The following ADAMTS7 variants were observed in gnomAD, a reference collection of about 807,000 sequenced individuals.
ADAMTS7 encodes the protein A disintegrin and metalloproteinase with thrombospondin motifs 7.
A neutral mutation model predicts 172.6 loss-of-function variants in ADAMTS7; 89 were observed. That is an observed-to-expected ratio of 0.52 (90% confidence interval 0.43 to 0.61). The LOEUF is 0.61. Among genes scored for constraint, ADAMTS7 ranks in the 20% least tolerant of loss-of-function variants. ADAMTS7 has a pLI of 0.00. For synonymous variants in ADAMTS7, 885 were observed against 978.4 expected (o/e 0.90, Z 1.78); for missense variants, 1,973 against 2,355.6 (o/e 0.84, Z 3.36).
rs1277567798 is a variant in ADAMTS7 at position 78,771,300 on chromosome 15, G to A, written c.2380C>T (p.Leu794=). 6.2e-7 allele frequency: 1 copy of A among 1,612,404 alleles called. No individual in the cohort carries two copies. Among genetic ancestry groups the A allele is most frequent in the Non-Finnish European group, 8.5e-7 (1 of 1,179,090 alleles). The stretch of plus-strand genomic sequence containing the variant: ...ACCCCAGGGTTGCTCTCCTGGAACA[G>A]CAGCTGGGTGGGCAGGCGGGGGCCC... The part of the protein sequence containing the change: ...PTKEPVWIQL[L]FQESNPGVHY... Residue 794 remains leucine (L), a synonymous_variant, in exon 16 of 24, where the codon CTG becomes TTG. Coordinates refer to ENST00000388820, the MANE Select transcript of ADAMTS7 (RefSeq NM_014272.5). The surrounding 1 kb of genome is among the most constrained non-coding windows in gnomAD (Gnocchi z 4.9).
chr15:78,779,111 C>T (rs2055394542), intron 8 of ADAMTS7, among the ~76,000 whole-genome samples: 1 of 152,140 alleles, frequency 6.6e-6, no homozygotes, highest in South Asian at 2.1e-4. Flanking sequence ...GAGAAGAAAG[C>T]CAAGGTGACC....
intron 1 of ADAMTS7, among the ~76,000 whole-genome samples, chr15:78,809,176 A>C (rs1251565928): frequency 6.6e-6 from 1 of 152,198 alleles, no homozygotes; most frequent in South Asian, 2.1e-4. Context: ...CAGCCTCAGA[A>C]ACCCTAGCAG....
At position 78,796,777 on chromosome 15, in the gene ADAMTS7, T is replaced by A. The variant is rs150389841; in HGVS notation, c.632A>T (p.Glu211Val). The A allele has an allele frequency of 1.4e-5, 22 of 1,609,224 alleles. No homozygotes were observed. The highest frequency in any genetic ancestry group is 1.8e-5 in the Non-Finnish European group (21 of 1,179,398). The change falls in exon 4 of 24, where the codon GAG becomes GTG. Residue 211 changes from glutamate (E) to valine (V), a missense_variant. Physicochemically the swap from Glu to Val is moderately radical, Grantham distance 121 (BLOSUM62 -2). Around this residue, in one of 8 missense-constraint regions of ADAMTS7, gnomAD observed 526 missense variants for 662.9 expected, o/e 0.79. Transcript: ENST00000388820. ...CCAACGCTCCCGTCGAGACTCCAGCTCTGGGTACACTGGAGGCCCAGATGG... is the reference window on the plus strand; with the variant it reads ...CCAACGCTCCCGTCGAGACTCCAGCACTGGGTACACTGGAGGCCCAGATGG... ...PSTCGVQVYPELESRRERWEQ... is the reference protein window; with the variant it reads ...PSTCGVQVYPVLESRRERWEQ...
Position 78,788,272 on chromosome 15 carries a change from G to C in ADAMTS7, c.1281C>G (p.Thr427=). The C allele has an allele frequency of 6.2e-7, 1 of 1,613,838 alleles. No homozygotes were observed. The highest frequency in any genetic ancestry group is 1.7e-4 in the Middle Eastern group (1 of 5,780). Residue 427 remains threonine, a synonymous_variant, in exon 8 of 24, where the codon ACC becomes ACG. Coordinates refer to ENST00000388820, the MANE Select transcript of ADAMTS7 (RefSeq NM_014272.5). ...PQLLYDAAPL[T]WSRCSRQYIT... ...TATACTGGCGGCTGCAGCGGGACCA[G>C]GTGAGGGGAGCGGCGTCGTACAGGA...
chr15:78,797,162 G>A (rs553675006), intron 3 of ADAMTS7, among the ~76,000 whole-genome samples: 1 of 152,300 alleles, frequency 6.6e-6, no homozygotes, highest in East Asian at 1.9e-4. Context: ...CCACCCTGGG[G>A]GCTTAGTGCA....
At chr15:78,810,489 C>G (rs2055850613) in intron 1 of ADAMTS7, 1 of 152,370 alleles carries the variant, frequency 6.6e-6, no homozygotes, top group Non-Finnish European at 1.5e-5. Context: ...GGAGAGTTAA[C>G]CCATGGCCGG....
At chr15:78,762,193 G>A (rs1297370746) in intron 23 of ADAMTS7, 23 of 771,338 alleles carry the variant, frequency 3.0e-5, no homozygotes, top group Non-Finnish European at 3.6e-5. Context: ...TTGTGTGGCC[G>A]GGACTCCCCT....
intron 8 of ADAMTS7, among the ~76,000 whole-genome samples, chr15:78,780,446 G>A (rs1365372060): frequency 6.6e-6 from 1 of 152,160 alleles, no homozygotes; most frequent in South Asian, 2.1e-4. Flanking sequence ...TCCACGGGGT[G>A]AAGTGAAGGA....
intron 8 of ADAMTS7, among the ~76,000 whole-genome samples, chr15:78,781,468 C>A (rs1218042159): frequency 6.6e-6 from 1 of 152,166 alleles, no homozygotes; most frequent in Admixed American, 6.5e-5. Context: ...TGGGGAGGCA[C>A]GTATTGCTCT....
At chr15:78,768,059 G>A in intron 17 of ADAMTS7, 74 bp downstream of exon 17, 1 of 1,172,992 alleles carries the variant, frequency 8.5e-7, no homozygotes, top group Non-Finnish European at 1.2e-6. Flanking sequence ...GGGGTGGGGA[G>A]TTGGCGGGGG....
At chr15:78,790,647 C>T (rs773028757) in intron 6 of ADAMTS7, 23 bp downstream of exon 6, 9 of 1,612,194 alleles carry the variant, frequency 5.6e-6, no homozygotes, top group Non-Finnish European at 7.6e-6. Flanking sequence ...ATGCAGGCTC[C>T]CACCCTCCTG....
In ADAMTS7 at chr15:78,766,792, G is replaced by A. The variant is rs761221094; in HGVS notation, c.3119C>T (p.Thr1040Ile). 1 of 1,610,646 alleles carries A rather than the reference G, an allele frequency of 6.2e-7. No homozygotes were observed. The highest frequency in any genetic ancestry group is 1.7e-5 in the Admixed American group (1 of 60,016). ...CTCCTCCTCAATGGCGTTGCCCATG[G>A]TGCCTGGCTTGGGTGATGAGGCGGG... is the stretch of plus-strand genomic sequence containing the variant. Reference protein sequence around the residue: ...PSPASSPKPGTMGNAIEEEAP... With the variant: ...PSPASSPKPGIMGNAIEEEAP... Residue 1040 changes from threonine (T) to isoleucine (I), a missense_variant, in exon 19 of 24, where the codon ACC (threonine) becomes ATC (isoleucine). Physicochemically the swap from Thr to Ile is moderately conservative, Grantham distance 89. Coordinates refer to ENST00000388820, the MANE Select transcript of ADAMTS7 (RefSeq NM_014272.5).
intron 11 of ADAMTS7, among the ~76,000 whole-genome samples, chr15:78,775,058 AC>A (rs1188569996): frequency 1.3e-5 from 2 of 152,096 alleles, no homozygotes; most frequent in Non-Finnish European, 2.9e-5. Context: ...GTCTTCGGCC[AC>A]CCTCTGGGCC....
chr15:78,776,520 A>T, intron 10 of ADAMTS7, 187 bp from the exon 11 acceptor site: 2 of 917,940 alleles, frequency 2.2e-6, no homozygotes, highest in South Asian at 3.4e-5. Context: ...CTGAGCGGGG[A>T]GTAAAACAGC....
intron 1 of ADAMTS7, among the ~76,000 whole-genome samples, chr15:78,806,146 A>C (rs1456382376): frequency 1.9e-4 from 28 of 148,750 alleles, no homozygotes; most frequent in African/African-American, 4.0e-4. Context: ...AAAAAAAAAA[A>C]AAAAAAAAAC....
chr15:78,769,933 G>A (rs1256904210), intron 16 of ADAMTS7, among the ~76,000 whole-genome samples: 2 of 152,302 alleles, frequency 1.3e-5, no homozygotes, highest in African/African-American at 2.4e-5. Flanking sequence ...AAGCCAAGGC[G>A]GGCAAATCAC....
Position 78,771,719 on chromosome 15 carries a change from A to G in ADAMTS7, c.2242T>C (p.Phe748Leu), listed in dbSNP as rs777979328. ...TGGATGGTCCAGCCACCATTGAGGA[A>G]GTACTTCTCCGGGTCCTCGCTCCGC... ...ALRSEDPEKY[F>L]LNGGWTIQWN... Residue 748 changes from phenylalanine to leucine, a missense_variant, in exon 15 of 24, where the codon TTC becomes CTC. By Grantham distance (22) the Phe-to-Leu change is conservative. Coordinates refer to ENST00000388820, the MANE Select transcript of ADAMTS7 (RefSeq NM_014272.5). This position sits in a 1 kb window ranked among gnomAD's most constrained non-coding sequence, Gnocchi z 4.9. 17 of 1,609,500 alleles carry G rather than the reference A, an allele frequency of 1.1e-5. No homozygotes were observed. The highest frequency in any genetic ancestry group is 1.4e-5 in the Non-Finnish European group (17 of 1,179,990).
rs570258895 is a variant in ADAMTS7, at chr15:78,769,670, C to T, written c.2519-1411G>A. On this transcript the variant is annotated intron_variant, in intron 16 of 23. Transcript: ENST00000388820. ...CTGAGGGCCAGTCAGCTCCAGGTCC[C>T]GCCAGCTTAGACTGTGCATCTGGGA... Among the ~76,000 whole-genome samples the T allele has an allele frequency of 5.3e-5, 8 of 152,352 alleles. No individual in the cohort carries two copies. The South Asian group carries it at 6.2e-4, about 12-fold the overall frequency.
chr15:78,809,243 A>G (rs1352904996), intron 1 of ADAMTS7, among the ~76,000 whole-genome samples: 1 of 152,200 alleles, frequency 6.6e-6, no homozygotes, highest in Admixed American at 6.5e-5. Context: ...AAGTGAGCCC[A>G]GGATGAGCCC....
Sources: allele counts gnomAD v4.1 joint callset (sites outside exome capture counted in the v4.1 genomes callset), GRCh38; gene constraint gnomAD v4.1.1; regional missense constraint gnomAD v4.1.1; non-coding constraint Gnocchi (gnomAD v3.1); transcripts MANE v1.5; gene names NCBI Gene and HGNC (gene_info 2026-07-23, HGNC 2026-07-21).